Variants in IRF2 observed in about 807,000 individuals in gnomAD.
IRF2 encodes interferon regulatory factor 2.
A neutral mutation model predicts 40.6 loss-of-function variants in IRF2; 15 were observed. That is an observed-to-expected ratio of 0.37 (90% CI 0.25 to 0.57). The LOEUF is 0.57. IRF2 is among the 20% of genes least tolerant of loss of function. The pLI is 0.77. For missense variants in IRF2, 317 were observed against 455.7 expected, an observed-to-expected ratio of 0.70 and a Z score of 2.77; for synonymous variants, 151 against 165.5, an observed-to-expected ratio of 0.91 and a Z score of 0.67.
chr4:184,402,916 C>T (rs960694282), intron 6 of IRF2, among the ~76,000 whole-genome samples: 8 of 152,168 alleles, frequency 5.3e-5, no homozygotes, highest in South Asian at 4.2e-4. Context: ...TGAATTTTAC[C>T]GTATTTCACT....
At chr4:184,435,802 A>C (rs1738054485) in intron 1 of IRF2, among the ~76,000 whole-genome samples, 1 of 152,188 alleles carries the variant, frequency 6.6e-6, no homozygotes, top group Admixed American at 6.5e-5. Flanking sequence ...AATACAACTA[A>C]GTAGAAATAA....
chr4:184,450,720 G>T (rs1012355067), intron 1 of IRF2, among the ~76,000 whole-genome samples: 5 of 151,954 alleles, frequency 3.3e-5, no homozygotes, highest in African/African-American at 7.3e-5. Context: ...TCTCCCTAAG[G>T]TTCCTTTATG....
chr4:184,452,798 G>GAAAAAAAAAAAA (rs1579104870), intron 1 of IRF2, among the ~76,000 whole-genome samples: 1 of 123,000 alleles, frequency 8.1e-6, no homozygotes, highest in African/African-American at 3.2e-5. Flanking sequence ...AAAAAAAAGG[G>GAAAAAAAAAAAA]AAAGAAAGAA....
At chr4:184,468,667 C>T (rs1739416300) in intron 1 of IRF2, among the ~76,000 whole-genome samples, 1 of 152,116 alleles carries the variant, frequency 6.6e-6, no homozygotes, top group Non-Finnish European at 1.5e-5. Flanking sequence ...AACTATTTGG[C>T]CCTGGGAAGA....
Position 184,466,060 on chromosome 4 carries a change from G to GTTTT in IRF2, c.-7+8315_-7+8318dup, listed in dbSNP as rs750400403. On this transcript the variant is annotated intron_variant, in intron 1 of 8. Coordinates refer to ENST00000393593, the MANE Select transcript of IRF2 (RefSeq NM_002199.4). ...AACTTGTCCCATCTGGTTGTTTTTTGTTTTTTGTTTTTTTTTTGAGATGAA... is the reference window on the plus strand; with the variant it reads ...AACTTGTCCCATCTGGTTGTTTTTTGTTTTTTTTTTGTTTTTTTTTTGAGATGAA... Among the ~76,000 whole-genome samples, 11 of 109,696 alleles carry GTTTT rather than the reference G, an allele frequency of 1.0e-4. 1 individual carries two copies. Among genetic ancestry groups the GTTTT allele is most frequent in the East Asian group, 2.9e-4 (1 of 3,508 alleles). 72.0% of individuals were successfully genotyped at this position (109,696 alleles called of 152,430 possible). A position where few individuals can be genotyped will look rare whatever the true frequency, so the allele number is the denominator to read the frequency against.
At chr4:184,444,994 T>C (rs575413392) in intron 1 of IRF2, among the ~76,000 whole-genome samples, 259 of 152,312 alleles carry the variant, frequency 1.7e-3, no homozygotes, top group African/African-American at 5.7e-3. Flanking sequence ...ACGCGCAAAC[T>C]TCCAGGCCCT....
chr4:184,471,775 G>C (rs1056585007), intron 1 of IRF2: 1 of 152,182 alleles, frequency 6.6e-6, no homozygotes, highest in Non-Finnish European at 1.5e-5. Context: ...TTGTTCATAA[G>C]GCTGTCAGAA....
In IRF2 at chr4:184,408,357, C is replaced by A; in HGVS notation, c.412-82G>T. ...TAGCTGAAATTCTACCCTCTGCCTA[C>A]TTTCTTTAATGCTAGGGTCATTCAT... On this transcript the variant is annotated intron_variant, in intron 5 of 8. Coordinates refer to ENST00000393593, the MANE Select transcript of IRF2 (RefSeq NM_002199.4). The surrounding 1 kb of genome is among the most constrained non-coding windows in gnomAD (Gnocchi z 4.9). 1 of 862,684 alleles carries A rather than the reference C, an allele frequency of 1.2e-6. No individual in the cohort carries two copies. The highest frequency in any genetic ancestry group is 1.8e-5 in the Admixed American group (1 of 55,168). The allele number at this position is 862,684 out of a possible 1,614,324, so 53.4% of individuals were successfully genotyped here.
In IRF2 at chr4:184,451,905, CAAG is replaced by C. The variant is rs558525256; in HGVS notation, c.-7+22471_-7+22473del. ...AAATCCCCCATAAACAGGGATGGAA[CAAG>C]AAGATAAGTTAGCAGCTGTCTGGGA... On this transcript the variant is annotated intron_variant, in intron 1 of 8. Coordinates refer to ENST00000393593, the MANE Select transcript of IRF2 (RefSeq NM_002199.4). Among the ~76,000 whole-genome samples, 1,274 of 152,294 alleles carry C rather than the reference CAAG, an allele frequency of 8.4e-3. 9 individuals are homozygous for C. The highest frequency in any genetic ancestry group is 0.024 in the Middle Eastern group (7 of 294).
chr4:184,451,268 G>A (rs1168271056), intron 1 of IRF2, among the ~76,000 whole-genome samples: 1 of 152,170 alleles, frequency 6.6e-6, no homozygotes, highest in African/African-American at 2.4e-5. Context: ...ACTTAAATCA[G>A]CTTCTACATT....
chr4:184,430,625 C>T (rs1443380630), intron 1 of IRF2, among the ~76,000 whole-genome samples: 2 of 152,206 alleles, frequency 1.3e-5, no homozygotes, highest in African/African-American at 4.8e-5. Flanking sequence ...CTTGCCTTAC[C>T]TATACACCTC....
At chr4:184,460,681 G>GCACACA (rs4069924) in intron 1 of IRF2, among the ~76,000 whole-genome samples, 5 of 150,108 alleles carry the variant, frequency 3.3e-5, no homozygotes, top group African/African-American at 1.2e-4. Flanking sequence ...ACACACACAT[G>GCACACA]CACGCACACA....
At chr4:184,410,100 G>A (rs917475181) in intron 5 of IRF2, among the ~76,000 whole-genome samples, 1 of 152,046 alleles carries the variant, frequency 6.6e-6, no homozygotes, top group Non-Finnish European at 1.5e-5. Flanking sequence ...CTCTCCACCT[G>A]CAGAATCAAG....
intron 1 of IRF2, among the ~76,000 whole-genome samples, chr4:184,473,287 G>A (rs1274037733): frequency 6.7e-6 from 1 of 150,278 alleles, no homozygotes; most frequent in Non-Finnish European, 1.5e-5. Context: ...AGGGGACGCC[G>A]GCCCCCACTG....
intron 7 of IRF2, among the ~76,000 whole-genome samples, chr4:184,393,735 C>T (rs1736343036): frequency 6.8e-6 from 1 of 147,744 alleles, no homozygotes; most frequent in Non-Finnish European, 1.5e-5. Context: ...GGAAGATGCG[C>T]CCTATTAGGA....
At chr4:184,433,883 T>C (rs1579082919) in intron 1 of IRF2, among the ~76,000 whole-genome samples, 1 of 152,334 alleles carries the variant, frequency 6.6e-6, no homozygotes, top group South Asian at 2.1e-4. Flanking sequence ...AGGGTGAGCG[T>C]ACATCTTTAC....
intron 7 of IRF2, among the ~76,000 whole-genome samples, chr4:184,394,842 G>A (rs774560814): frequency 3.9e-5 from 6 of 152,214 alleles, no homozygotes; most frequent in Admixed American, 6.5e-5. Flanking sequence ...ATGTCTCTCC[G>A]CCAGAGCTTC....
chr4:184,388,859 T>C lies in IRF2; in HGVS notation c.949A>G (p.Met317Val), dbSNP rs1173627248. The change falls in exon 9 of 9, where the codon ATG becomes GTG. Residue 317 changes from methionine (M) to valine (V), a missense_variant. Around this residue, in one of 2 missense-constraint regions of IRF2, gnomAD observed 262 missense variants for 334.0 expected, o/e 0.78. Coordinates refer to ENST00000393593, the MANE Select transcript of IRF2 (RefSeq NM_002199.4). The surrounding 1 kb of genome is among the most constrained non-coding windows in gnomAD (Gnocchi z 4.6). ...PFQDLPLSSS[M>V]TPASSSSRPD... ...CGACTGCTGCTGGATGCTGGGGTCA[T>C]GGAGGAAGAAAGGGGGAGGTCTTGA... 2.5e-5 allele frequency: 41 copies of C among 1,613,798 alleles called. No individual in the cohort carries two copies. Among genetic ancestry groups the C allele is most frequent in the African/African-American group, 5.3e-5 (4 of 74,822 alleles).
intron 6 of IRF2, among the ~76,000 whole-genome samples, chr4:184,406,110 C>T (rs1736844735): frequency 6.6e-6 from 1 of 152,128 alleles, no homozygotes; most frequent in Non-Finnish European, 1.5e-5. Flanking sequence ...TCTCAGGCCC[C>T]TTCTCCTAAG....
Sources: allele counts gnomAD v4.1 joint callset (sites outside exome capture counted in the v4.1 genomes callset), GRCh38; gene constraint gnomAD v4.1.1; regional missense constraint gnomAD v4.1.1; non-coding constraint Gnocchi (gnomAD v3.1); transcripts MANE v1.5; gene names NCBI Gene and HGNC (gene_info 2026-07-23, HGNC 2026-07-21).